Variants in CCDC158 observed in about 807,000 individuals in gnomAD.
CCDC158 encodes coiled-coil domain-containing protein 158.
Under a neutral mutation model 138.6 loss-of-function variants are expected in CCDC158, and 116 were observed. The ratio of observed to expected loss-of-function variants is 0.84; its 90% confidence interval spans 0.72 to 0.98. The LOEUF is 0.98. Among genes scored for constraint, CCDC158 ranks in the 50% least tolerant of loss-of-function variants. CCDC158 has a pLI of 0.00. For missense variants in CCDC158, 1,265 were observed against 1,306.1 expected (o/e 0.97, Z 0.48); for synonymous variants, 436 against 442.4 (o/e 0.99, Z 0.18).
chr4:76,344,265 G>C (rs1722332678), intron 18 of CCDC158, among the ~76,000 whole-genome samples: 2 of 152,158 alleles, frequency 1.3e-5, no homozygotes. Context: ...TTGCTACAAA[G>C]AGAATAAATT....
In CCDC158 at chr4:76,384,259, C is replaced by T. The variant is rs1726565858; in HGVS notation, c.555G>A (p.Val185=). ...LRKMMLSHEG[V]LQEIRSILVD... is the part of the protein sequence containing the mutation. ...CTAGGATTGACCGGATTTCTTGAAG[C>T]ACTCCCTCATGACTAAGCATCATTT... Residue 185 remains valine, a synonymous_variant, in exon 6 of 25, where the codon GTG becomes GTA. Coordinates refer to ENST00000682701, the MANE Select transcript of CCDC158 (RefSeq NM_001394954.1). 11 of 1,613,990 alleles carry T rather than the reference C, an allele frequency of 6.8e-6. No individual in the cohort carries two copies. The highest frequency in any genetic ancestry group is 9.3e-6 in the Non-Finnish European group (11 of 1,180,002).
intron 1 of CCDC158, among the ~76,000 whole-genome samples, chr4:76,420,745 G>C (rs1302494613): frequency 1.3e-5 from 2 of 152,084 alleles, no homozygotes; most frequent in African/African-American, 2.4e-5. Context: ...TGTTCTTCAA[G>C]GTCCAGGTTT....
At chr4:76,370,189 A>G (rs907749378) in intron 10 of CCDC158, among the ~76,000 whole-genome samples, 6 of 152,240 alleles carry the variant, frequency 3.9e-5, no homozygotes, top group Non-Finnish European at 8.8e-5. Flanking sequence ...ATGACTTAGG[A>G]TCCAAGAGAA....
chr4:76,356,092 T>C (rs1229161271), intron 14 of CCDC158, among the ~76,000 whole-genome samples: 1 of 152,052 alleles, frequency 6.6e-6, no homozygotes, highest in Non-Finnish European at 1.5e-5. Flanking sequence ...GGATTGAAAA[T>C]GCCACAGCTT....
chr4:76,419,913 T>C (rs1328168723), intron 1 of CCDC158, among the ~76,000 whole-genome samples: 1 of 148,174 alleles, frequency 6.7e-6, no homozygotes, highest in East Asian at 2.0e-4. Context: ...GTTTAATAAA[T>C]GGTGGAGGTC....
At position 76,334,251 on chromosome 4, in the gene CCDC158, C is replaced by G. The variant is rs1284741934; in HGVS notation, c.2665-84G>C. 3.1e-6 allele frequency: 4 copies of G among 1,308,656 alleles called. No homozygotes were observed. The African/African-American group carries it at 5.9e-5, about 19-fold the overall frequency. 81.1% of individuals were successfully genotyped at this position (1,308,656 alleles called of 1,614,324 possible). A position where few individuals can be genotyped will look rare whatever the true frequency, so the allele number is the denominator to read the frequency against. On this transcript the variant is annotated intron_variant, in intron 18 of 24. Transcript: ENST00000682701. Reference sequence around the variant, plus strand: ...TCACAAAATTAATGCAACTGGTAAACAGAAATTATGGAAAAGCAAGAAGAG... The same window carrying G: ...TCACAAAATTAATGCAACTGGTAAAGAGAAATTATGGAAAAGCAAGAAGAG...
chr4:76,412,629 G>A (rs140552600), intron 1 of CCDC158, among the ~76,000 whole-genome samples: 92 of 152,300 alleles, frequency 6.0e-4, no homozygotes, highest in African/African-American at 2.2e-3. Flanking sequence ...GCATGTGCCT[G>A]TAATCCCAGC....
chr4:76,421,205 G>A (rs1226625063), upstream of CCDC158, among the ~76,000 whole-genome samples: 2 of 152,062 alleles, frequency 1.3e-5, no homozygotes, highest in Admixed American at 6.5e-5. Flanking sequence ...CGCGAGCCGC[G>A]TGGGTGACGG....
intron 9 of CCDC158, chr4:76,375,281 T>C: frequency 2.8e-6 from 1 of 358,260 alleles, no homozygotes. Context: ...CAAATGAGTA[T>C]TGGGATTTCA....
intron 1 of CCDC158, among the ~76,000 whole-genome samples, chr4:76,418,139 C>T (rs1729843428): frequency 6.6e-6 from 1 of 152,160 alleles, no homozygotes; most frequent in African/African-American, 2.4e-5. Context: ...ATATGATCCT[C>T]CAGCGGCTGA....
chr4:76,360,319 A>G (rs1477199700), intron 13 of CCDC158, among the ~76,000 whole-genome samples: 2 of 152,204 alleles, frequency 1.3e-5, no homozygotes, highest in Admixed American at 6.5e-5. Flanking sequence ...CAGAGGGGAA[A>G]TGTGGGGTTG....
chr4:76,411,766 T>C (rs1304821085), intron 2 of CCDC158, among the ~76,000 whole-genome samples: 1 of 152,170 alleles, frequency 6.6e-6, no homozygotes, highest in Non-Finnish European at 1.5e-5. Context: ...CTAAATGAAA[T>C]TACAGTTGTG....
chr4:76,377,811 T>A (rs951555375), intron 9 of CCDC158, among the ~76,000 whole-genome samples: 1 of 152,182 alleles, frequency 6.6e-6, no homozygotes, highest in Non-Finnish European at 1.5e-5. Flanking sequence ...GGTTAAGGGT[T>A]ATGCAAGGAG....
At chr4:76,345,008 G>A (rs572257730) in intron 18 of CCDC158, 148 of 1,405,806 alleles carry the variant, frequency 1.1e-4, no homozygotes, top group Middle Eastern at 8.8e-4. Flanking sequence ...CTTTGAGCAA[G>A]AGAAGAACTT....
In CCDC158 at chr4:76,334,036, T is replaced by G. The variant is rs1399643345; in HGVS notation, c.2796A>C (p.Thr932=). Residue 932 remains threonine, a synonymous_variant, in exon 19 of 25, where the codon ACA becomes ACC. Coordinates refer to ENST00000682701, the MANE Select transcript of CCDC158 (RefSeq NM_001394954.1). The stretch of plus-strand genomic sequence containing the variant: ...CAGCCACATACAAGGCTCCCAGAGA[T>G]GTTCTTCCATCTTCCTCTGTCTTGC... ...SLSKTEEDGR[T]SLGALYVAVE... is the part of the protein sequence containing the mutation. 1 of 1,613,018 alleles carries G rather than the reference T, an allele frequency of 6.2e-7. No individual in the cohort carries two copies. The highest frequency in any genetic ancestry group is 1.3e-5 in the African/African-American group (1 of 75,034).
At chr4:76,315,507 C>A (rs78117068) in intron 24 of CCDC158, among the ~76,000 whole-genome samples, 4,466 of 152,240 alleles carry the variant, frequency 0.029, 218 homozygotes, top group African/African-American at 0.1. Context: ...CAACCAACTC[C>A]GAACATTACA....
intron 3 of CCDC158, among the ~76,000 whole-genome samples, chr4:76,396,719 CCA>C: frequency 6.6e-6 from 1 of 151,894 alleles, no homozygotes; most frequent in Non-Finnish European, 1.5e-5. Context: ...ACCATGTTAG[CCA>C]TGGTGAAACC....
intron 9 of CCDC158, 104 bp downstream of exon 9, chr4:76,379,186 T>G: frequency 1.8e-6 from 1 of 553,508 alleles, no homozygotes; most frequent in South Asian, 4.5e-5. Flanking sequence ...TGCTTTTAAT[T>G]TGAAATTACT....
At chr4:76,322,241 G>A (rs910289275) in intron 24 of CCDC158, among the ~76,000 whole-genome samples, 1 of 152,010 alleles carries the variant, frequency 6.6e-6, no homozygotes, top group African/African-American at 2.4e-5. Context: ...GTTATCACAG[G>A]GACTTGGAAT....
Sources: gnomAD v4.1 joint callset for allele counts (sites outside exome capture counted in the v4.1 genomes callset) on GRCh38, gnomAD v4.1.1 for gene constraint, MANE v1.5 for transcripts, NCBI Gene and HGNC (gene_info 2026-07-23, HGNC 2026-07-21) for gene names.